The following CCDC34 variants were observed in gnomAD, a reference collection of about 807,000 sequenced individuals.
CCDC34 encodes the protein coiled-coil domain containing 34.
A neutral mutation model predicts 44.1 loss-of-function variants in CCDC34; 40 were observed. The observed-to-expected ratio is 0.91, with a 90% CI of 0.70 to 1.18. The LOEUF (loss-of-function observed/expected upper bound fraction) is 1.18, where lower values mean the gene tolerates loss of function less well. Ranked by LOEUF, CCDC34 falls within the 50% of genes most tolerant of loss-of-function variation. The probability of loss-of-function intolerance (pLI) is 0.00; values close to 1 mark genes in which losing one functional copy is unlikely to be tolerated. For synonymous variants in CCDC34, 159 were observed against 158.2 expected (o/e 1.01, Z -0.04); for missense variants, 466 against 452.3 (o/e 1.03, Z -0.28).
intron 1 of CCDC34, 64 bp downstream of exon 1, chr11:27,362,772 G>A: frequency 6.5e-7 from 1 of 1,535,298 alleles, no homozygotes; most frequent in South Asian, 1.3e-5. Context: ...GTTAGAAGGG[G>A]GTACTTAAGA....
At chr11:27,351,506 A>G (rs757544834) in intron 2 of CCDC34, among the ~76,000 whole-genome samples, 2 of 152,176 alleles carry the variant, frequency 1.3e-5, no homozygotes, top group African/African-American at 4.8e-5. Flanking sequence ...CAACTTTTAA[A>G]CACTATACCC....
At position 27,363,190 on chromosome 11, in the gene CCDC34, C is replaced by G. The variant is rs763941732; in HGVS notation, c.5G>C (p.Trp2Ser). 1 of 1,474,324 alleles carries G rather than the reference C, an allele frequency of 6.8e-7. No individual in the cohort carries two copies. The highest frequency in any genetic ancestry group is 1.4e-5 in the South Asian group (1 of 71,508). The allele number at this position is 1,474,324 out of a possible 1,614,324, so 91.3% of individuals were successfully genotyped here. A position where few individuals can be genotyped will look rare whatever the true frequency, so the allele number is the denominator to read the frequency against. Residue 2 changes from tryptophan to serine, a missense_variant, in exon 1 of 6, where the codon TGG becomes TCG. Physicochemically the swap from Trp to Ser is radical, Grantham distance 177. Coordinates refer to ENST00000328697, the MANE Select transcript of CCDC34 (RefSeq NM_030771.2). Reference protein sequence around the residue: MWAAGRWGPTFP... With the variant: MSAAGRWGPTFP... The stretch of plus-strand genomic sequence containing the variant: ...AGTAGGCCCCCAGCGCCCCGCCGCC[C>G]ACATCTGGCCCGCCAAGTTCAAACT...
In CCDC34 at chr11:27,341,523, T is replaced by C. The variant is rs1173750873; in HGVS notation, c.634A>G (p.Asn212Asp). The change falls in exon 4 of 6, where the codon AAT (asparagine) becomes GAT (aspartate). Residue 212 changes from asparagine to aspartate, a missense_variant. Physicochemically the swap from Asn to Asp is conservative, Grantham distance 23. Transcript: ENST00000328697. ...QKRKEREQKI[N>D]KEMEEKAAKE... is the part of the protein sequence containing the mutation. ...GCTGCTTTTTCCTCCATTTCTTTAT[T>C]AATTTTTTGTTCTCTTTCTTTTCTT... 34 of 1,348,732 alleles carry C rather than the reference T, an allele frequency of 2.5e-5. No homozygotes were observed. The highest frequency in any genetic ancestry group is 3.0e-5 in the Non-Finnish European group (30 of 1,008,548). 83.5% of individuals were successfully genotyped at this position (1,348,732 alleles called of 1,614,324 possible). A position where few individuals can be genotyped will look rare whatever the true frequency, so the allele number is the denominator to read the frequency against.
intron 3 of CCDC34, chr11:27,349,755 G>A: frequency 1.1e-6 from 1 of 950,824 alleles, no homozygotes; most frequent in South Asian, 4.9e-5. Flanking sequence ...TCATGCGCAG[G>A]TATTCATCTA....
Position 27,344,442 on chromosome 11 carries a change from T to C in CCDC34, c.607-2892A>G, listed in dbSNP as rs900373867. Among the ~76,000 whole-genome samples, 4 of 152,180 alleles carry C rather than the reference T, an allele frequency of 2.6e-5. No homozygotes were observed. The East Asian group carries it at 5.8e-4, about 22-fold the overall frequency. On this transcript the variant is annotated intron_variant, in intron 3 of 5. Transcript: ENST00000328697. ...ATATTATAAACATGTGTGTTACATA[T>C]ATGCTATAACATGTTACTTGTGTTA...
At chr11:27,339,187 T>C in intron 5 of CCDC34, 152 bp from the exon 6 acceptor site, 1 of 607,382 alleles carries the variant, frequency 1.6e-6, no homozygotes, top group South Asian at 2.1e-5. Flanking sequence ...AACTCCTTGA[T>C]ATTTTCAAAT....
intron 2 of CCDC34, among the ~76,000 whole-genome samples, chr11:27,351,528 T>C (rs1862503097): frequency 6.6e-6 from 1 of 152,102 alleles, no homozygotes; most frequent in Admixed American, 6.6e-5. Flanking sequence ...CAAAAGCAAA[T>C]ATCCATCTTT....
chr11:27,349,273 A>C (rs894212035), intron 3 of CCDC34: 1 of 927,658 alleles, frequency 1.1e-6, no homozygotes, highest in African/African-American at 1.8e-5. Context: ...ATTCACAAAG[A>C]TCTCTTTCAT....
At chr11:27,350,959 C>T (rs1307207511) in intron 2 of CCDC34, among the ~76,000 whole-genome samples, 1 of 152,172 alleles carries the variant, frequency 6.6e-6, no homozygotes, top group African/African-American at 2.4e-5. Flanking sequence ...GGTTTTATAG[C>T]TGCTGAAGTG....
intron 2 of CCDC34, among the ~76,000 whole-genome samples, chr11:27,350,658 C>T (rs1209281042): frequency 6.6e-6 from 1 of 152,194 alleles, no homozygotes; most frequent in Non-Finnish European, 1.5e-5. Flanking sequence ...CAAATAATTG[C>T]TTGGCAGCAA....
At chr11:27,354,443 T>C (rs1489445029) in intron 2 of CCDC34, among the ~76,000 whole-genome samples, 2 of 152,214 alleles carry the variant, frequency 1.3e-5, no homozygotes, top group East Asian at 3.9e-4. Flanking sequence ...GATGTTCATT[T>C]AGTCCTCATA....
chr11:27,339,429 TACAGAA>T (rs994021298), intron 5 of CCDC34, among the ~76,000 whole-genome samples: 20 of 152,348 alleles, frequency 1.3e-4, no homozygotes, highest in African/African-American at 4.6e-4. Flanking sequence ...TACTGAAGTT[TACAGAA>T]AAACATTTAT....
Position 27,353,510 on chromosome 11 carries a change from C to T in CCDC34, c.499-3071G>A, listed in dbSNP as rs139278098. On this transcript the variant is annotated intron_variant, in intron 2 of 5. Coordinates refer to ENST00000328697, the MANE Select transcript of CCDC34 (RefSeq NM_030771.2). ...ATAAAAATTAAATGACCTATAAAAC[C>T]AATATACTAGTTTTTCATAATGCTT... Among the ~76,000 whole-genome samples, 813 of 151,502 alleles carry T rather than the reference C, an allele frequency of 5.4e-3. 4 individuals carry two copies. Among genetic ancestry groups the T allele is most frequent in the Admixed American group, 0.012 (185 of 15,230 alleles).
intron 3 of CCDC34, among the ~76,000 whole-genome samples, chr11:27,342,451 T>C (rs1862375680): frequency 6.6e-6 from 1 of 151,562 alleles, no homozygotes. Context: ...GCATAAATCT[T>C]TGCCATCAGT....
chr11:27,343,366 A>T (rs1590322861), intron 3 of CCDC34, among the ~76,000 whole-genome samples: 1 of 151,510 alleles, frequency 6.6e-6, no homozygotes, highest in Admixed American at 6.6e-5. Context: ...CGTGCCATTG[A>T]ACTCCAGCCT....
chr11:27,340,489 C>A (rs1042370469), intron 5 of CCDC34, among the ~76,000 whole-genome samples: 3 of 152,170 alleles, frequency 2.0e-5, no homozygotes, highest in African/African-American at 7.2e-5. Context: ...AGTTTTGTAA[C>A]TACTGCTTTT....
intron 2 of CCDC34, among the ~76,000 whole-genome samples, chr11:27,355,947 CT>C (rs1862568598): frequency 6.7e-6 from 1 of 148,398 alleles, no homozygotes; most frequent in Non-Finnish European, 1.5e-5. Context: ...CAAATAATAA[CT>C]GGTTTCAAAA....
intron 2 of CCDC34, among the ~76,000 whole-genome samples, chr11:27,356,896 TGGGGTGGGGTTG>T (rs1392375204): frequency 1.8e-4 from 2 of 11,120 alleles, no homozygotes; most frequent in African/African-American, 7.0e-4. Flanking sequence ...GGTGGTGGGG[TGGGGTGGGGTTG>T]GGGGTGGTGG....
At position 27,361,760 on chromosome 11, in the gene CCDC34, G is replaced by A. The variant is rs80019041; in HGVS notation, c.359+1076C>T. ...TGGATATGAACACCCTGTACTGAAG[G>A]GGGAATCTTGCTATTTACACATAAA... On this transcript the variant is annotated intron_variant, in intron 1 of 5. Coordinates refer to ENST00000328697, the MANE Select transcript of CCDC34 (RefSeq NM_030771.2). Among the ~76,000 whole-genome samples the A allele has an allele frequency of 1.2e-3, 184 of 152,294 alleles. 3 individuals are homozygous for A. In the East Asian group the frequency reaches 0.026, roughly 22 times the overall value.
Sources: allele counts gnomAD v4.1 joint callset (sites outside exome capture counted in the v4.1 genomes callset), GRCh38; gene constraint gnomAD v4.1.1; transcripts MANE v1.5; gene names NCBI Gene and HGNC (gene_info 2026-07-23, HGNC 2026-07-21).